The following ERCC3 variants were observed in gnomAD, a reference collection of about 807,000 sequenced individuals.
ERCC3 encodes ERCC excision repair 3, TFIIH core complex helicase subunit.
ERCC3 carries 66 observed loss-of-function variants against 94.2 expected under a neutral mutation model. The ratio of observed to expected loss-of-function variants is 0.70; its 90% CI spans 0.57 to 0.86. The LOEUF is 0.86. Among genes scored for constraint, ERCC3 ranks in the 40% least tolerant of loss-of-function variants. ERCC3 has a pLI of 0.00. For synonymous variants in ERCC3, 349 were observed against 369.1 expected (o/e 0.95, Z 0.63); for missense variants, 829 against 987.1 (o/e 0.84, Z 2.15).
intron 12 of ERCC3, among the ~76,000 whole-genome samples, chr2:127,263,711 T>G (rs1369965946): frequency 2.0e-5 from 3 of 151,772 alleles, no homozygotes; most frequent in Non-Finnish European, 4.4e-5. Flanking sequence ...AGTTCTTTTT[T>G]TTTTTTTTTT....
In ERCC3 at chr2:127,292,558, T is replaced by C. The variant is rs4150402; in HGVS notation, c.471+52A>G. Reference sequence around the variant, plus strand: ...GCTGACAACATGGAGCACCTATGCCTATTGTTACATTAGCAGGGCAGGTGG... The same window carrying C: ...GCTGACAACATGGAGCACCTATGCCCATTGTTACATTAGCAGGGCAGGTGG... On this transcript the variant is annotated intron_variant, in intron 3 of 14. Coordinates refer to ENST00000285398, the MANE Select transcript of ERCC3 (RefSeq NM_000122.2). 0.74 allele frequency: 842,967 copies of C among 1,141,150 alleles called. 314,544 individuals are homozygous for C. Among genetic ancestry groups the C allele is most frequent in the East Asian group, 1 (42,762 of 42,834 alleles). The allele number at this position is 1,141,150 out of a possible 1,614,324, so 70.7% of individuals were successfully genotyped here.
In ERCC3 at chr2:127,280,620, G is replaced by A. The variant is rs150954655; in HGVS notation, c.1354C>T (p.Arg452Ter). Residue 452 changes from arginine to a stop codon, truncating the protein, a stop_gained, in exon 9 of 15, where the codon CGA (arginine) becomes TGA (stop). Coordinates refer to ENST00000285398, the MANE Select transcript of ERCC3 (RefSeq NM_000122.2). LOFTEE classifies it high-confidence loss of function. The surrounding 1 kb of genome is among the most constrained non-coding windows in gnomAD (Gnocchi z 6.3). ...EVHTIPAKMF[R>*]RVLTIVQAHC... ...GCCTGCACGATGGTGAGCACCCTTC[G>A]GAACATCTTGGCTGAGGAAACAATG... The A allele has an allele frequency of 2.9e-5, 46 of 1,613,878 alleles. No individual in the cohort carries two copies. In the African/African-American group the frequency reaches 4.5e-4, roughly 16 times the overall value.
intron 3 of ERCC3, 168 bp from the exon 4 acceptor site, chr2:127,290,441 A>G (rs1303402402): frequency 1.5e-6 from 1 of 687,014 alleles, no homozygotes; most frequent in South Asian, 1.6e-5. Flanking sequence ...AGCTTTTTCC[A>G]TTGGCCTCTG....
intron 10 of ERCC3, among the ~76,000 whole-genome samples, chr2:127,273,396 C>A (rs1347562563): frequency 2.0e-5 from 3 of 152,110 alleles, no homozygotes; most frequent in African/African-American, 7.2e-5. Context: ...GAGAAAAGTG[C>A]CCTTCAGCCA....
chr2:127,285,033 G>T (rs1227661401), intron 8 of ERCC3, among the ~76,000 whole-genome samples: 1 of 152,084 alleles, frequency 6.6e-6, no homozygotes, highest in Non-Finnish European at 1.5e-5. Context: ...TATCAAAAAA[G>T]ATTCGCCCAA....
In ERCC3 at chr2:127,284,787, G is replaced by A. The variant is rs1330484081; in HGVS notation, c.1342+1916C>T. 6.6e-6 allele frequency among the ~76,000 whole-genome samples: 1 copy of A among 151,618 alleles called. No homozygotes were observed. Among genetic ancestry groups the A allele is most frequent in the Non-Finnish European group, 1.5e-5 (1 of 67,956 alleles). ...CAGCCTCAACCTCCCAGGTTCAAGT[G>A]ATCCTCCCACCTCAGCCTCCTCAGC... On this transcript the variant is annotated intron_variant, in intron 8 of 14. Transcript: ENST00000285398. This position sits in a 1 kb window ranked among gnomAD's most constrained non-coding sequence, Gnocchi z 4.1.
chr2:127,293,545 T>C lies in ERCC3; in HGVS notation c.202A>G (p.Lys68Glu). 1 of 1,614,188 alleles carries C rather than the reference T, an allele frequency of 6.2e-7. No homozygotes were observed. Among genetic ancestry groups the C allele is most frequent in the Non-Finnish European group, 8.5e-7 (1 of 1,180,024 alleles). The change falls in exon 2 of 15, where the codon AAG becomes GAG. Residue 68 changes from lysine (K) to glutamate (E), a missense_variant. Coordinates refer to ENST00000285398, the MANE Select transcript of ERCC3 (RefSeq NM_000122.2). Reference sequence around the variant, plus strand: ...AGGGGCCTGGAGGTGTGGTCGTCCTTCAGCGGCATTTGCAGCCTGTAGTCC... The same window carrying C: ...AGGGGCCTGGAGGTGTGGTCGTCCTCCAGCGGCATTTGCAGCCTGTAGTCC... ...AKDYRLQMPL[K>E]DDHTSRPLWV... is the part of the protein sequence containing the mutation.
rs1378613335 is a variant in ERCC3, at chr2:127,291,147, C to T, written c.472-874G>A. 2.0e-5 allele frequency among the ~76,000 whole-genome samples: 3 copies of T among 152,194 alleles called. No individual in the cohort carries two copies. The highest frequency in any genetic ancestry group is 6.5e-5 in the Admixed American group (1 of 15,282). On this transcript the variant is annotated intron_variant, in intron 3 of 14. Transcript: ENST00000285398. The surrounding 1 kb of genome is among the most constrained non-coding windows in gnomAD (Gnocchi z 4.9). ...GGGCTGCCTATCCCCGCTGTTGTCC[C>T]TGATCCACCACTACAGTGCACCAAC...
chr2:127,283,989 C>G (rs1173332101), intron 8 of ERCC3, among the ~76,000 whole-genome samples: 1 of 150,272 alleles, frequency 6.7e-6, no homozygotes, highest in African/African-American at 2.5e-5. Context: ...TCCAGACCAG[C>G]TCCTTTGAGA....
chr2:127,272,805 G>A (rs926225357), intron 11 of ERCC3, 60 bp downstream of exon 11: 33 of 1,014,322 alleles, frequency 3.3e-5, no homozygotes, highest in Non-Finnish European at 4.6e-5. Context: ...GAATCATAGT[G>A]TACCCCCCAG....
chr2:127,289,732 T>A lies in ERCC3; in HGVS notation c.614A>T (p.Glu205Val), dbSNP rs1318391186. Residue 205 changes from glutamate to valine, a missense_variant, in exon 5 of 15, where the codon GAG becomes GTG. By Grantham distance (121) the Glu-to-Val change is moderately radical. Transcript: ENST00000285398. Reference protein sequence around the residue: ...RECRLRNSEGEATELITETFT... With the variant: ...RECRLRNSEGVATELITETFT... ...AGTCTCTGTGATGAGCTCAGTGGCCTCCCCTTCAGAGTTTCTTAAGCGGCA... is the reference window on the plus strand; with the variant it reads ...AGTCTCTGTGATGAGCTCAGTGGCCACCCCTTCAGAGTTTCTTAAGCGGCA... The A allele has an allele frequency of 1.9e-6, 3 of 1,614,060 alleles. No homozygotes were observed. In the Admixed American group the frequency reaches 5.0e-5, roughly 27 times the overall value.
intron 11 of ERCC3, 57 bp downstream of exon 11, chr2:127,272,807 AC>A (rs2104750187): frequency 5.9e-6 from 6 of 1,021,896 alleles, no homozygotes; most frequent in Non-Finnish European, 9.4e-6. Flanking sequence ...ATCATAGTGT[AC>A]CCCCCAGGTC....
intron 12 of ERCC3, among the ~76,000 whole-genome samples, chr2:127,266,225 C>T (rs1268012204): frequency 6.6e-6 from 1 of 151,558 alleles, no homozygotes; most frequent in Non-Finnish European, 1.5e-5. Flanking sequence ...CTGTGCCTGG[C>T]CAATTGTGTG....
intron 12 of ERCC3, among the ~76,000 whole-genome samples, chr2:127,265,487 C>T (rs1382937066): frequency 1.3e-5 from 2 of 152,128 alleles, no homozygotes; most frequent in African/African-American, 2.4e-5. Context: ...GGTGCGATCT[C>T]GGCTCACTGC....
chr2:127,290,511 A>G (rs938433418), intron 3 of ERCC3: 3 of 582,276 alleles, frequency 5.2e-6, no homozygotes, highest in Non-Finnish European at 9.4e-6. Context: ...CCATTAAGTT[A>G]TAAAACGCTG....
Position 127,276,090 on chromosome 2 carries a change from C to G in ERCC3, c.1730+3083G>C, listed in dbSNP as rs572664701. ...AGGCTTATTCTCCAGGGATGCCCGG[C>G]AGAGATGAGGGAAAAGGCAAGACTG... is the stretch of plus-strand genomic sequence containing the variant. On this transcript the variant is annotated intron_variant, in intron 10 of 14. Transcript: ENST00000285398. Among the ~76,000 whole-genome samples the G allele has an allele frequency of 1.4e-4, 21 of 152,258 alleles. No homozygotes were observed. In the South Asian group the frequency reaches 4.2e-3, roughly 30 times the overall value.
intron 5 of ERCC3, 37 bp downstream of exon 5, chr2:127,289,652 C>T (rs758442105): frequency 6.2e-7 from 1 of 1,613,742 alleles, no homozygotes; most frequent in Non-Finnish European, 8.5e-7. Flanking sequence ...TCCTAAATGC[C>T]TGCCCCCACC....
chr2:127,269,783 C>A (rs1218821871), intron 12 of ERCC3, among the ~76,000 whole-genome samples: 3 of 151,328 alleles, frequency 2.0e-5, no homozygotes, highest in Non-Finnish European at 4.4e-5. Flanking sequence ...GTAATCCCAG[C>A]ACTTTGGGAG....
chr2:127,259,569 CCAACAA>C lies in ERCC3; in HGVS notation c.2065-127_2065-122del. On this transcript the variant is annotated intron_variant, in intron 13 of 14. Transcript: ENST00000285398. The surrounding 1 kb of genome is among the most constrained non-coding windows in gnomAD (Gnocchi z 4.9). The stretch of plus-strand genomic sequence containing the variant: ...TCCCCAGGCCCAGCCACCCTGGTGG[CCAACAA>C]TGGAGAGCTCCTCCCTAGCATTCCA... 7.6e-7 allele frequency: 1 copy of C among 1,318,964 alleles called. No homozygotes were observed. The highest frequency in any genetic ancestry group is 1.1e-6 in the Non-Finnish European group (1 of 922,924). 81.7% of individuals were successfully genotyped at this position (1,318,964 alleles called of 1,614,324 possible).
Sources: gnomAD v4.1 joint callset for allele counts (sites outside exome capture counted in the v4.1 genomes callset) on GRCh38, gnomAD v4.1.1 for gene constraint, Gnocchi (gnomAD v3.1) non-coding constraint, MANE v1.5 for transcripts, NCBI Gene and HGNC (gene_info 2026-07-23, HGNC 2026-07-21) for gene names.